BUB1: variants seen among roughly 807,000 people sequenced by gnomAD.
The protein encoded by BUB1 is BUB1 mitotic checkpoint serine/threonine kinase.
BUB1 carries 84 observed loss-of-function variants against 135.2 expected under a neutral mutation model. The observed-to-expected ratio is 0.62, with a 90% CI of 0.52 to 0.74. The LOEUF is 0.74. Among genes scored for constraint, BUB1 ranks in the 30% least tolerant of loss-of-function variants. BUB1 has a pLI of 0.00. For missense variants in BUB1, 1,162 were observed against 1,288.3 expected, an observed-to-expected ratio of 0.90 and a Z score of 1.50; for synonymous variants, 403 against 434.4, an observed-to-expected ratio of 0.93 and a Z score of 0.90.
rs1689913684 is a variant in BUB1 at position 110,655,719 on chromosome 2, TA to T, written c.1876+19del. ...ATCAAAGTTGGCAGAAGACAGACACTAAAACAGTGTAACACACACCTTTATC... is the reference window on the plus strand; with the variant it reads ...ATCAAAGTTGGCAGAAGACAGACACTAAACAGTGTAACACACACCTTTATC... On this transcript the variant is annotated intron_variant, in intron 16 of 24. Transcript: ENST00000302759. 1.3e-6 allele frequency: 2 copies of T among 1,573,254 alleles called. No individual in the cohort carries two copies. The highest frequency in any genetic ancestry group is 1.7e-5 in the Admixed American group (1 of 59,234).
chr2:110,647,655 G>T (rs1689677354), intron 19 of BUB1, among the ~76,000 whole-genome samples: 2 of 152,092 alleles, frequency 1.3e-5, no homozygotes, highest in Admixed American at 6.6e-5. Flanking sequence ...CATACTTATA[G>T]GTAATAAACT....
intron 17 of BUB1, among the ~76,000 whole-genome samples, chr2:110,651,881 G>A (rs1689796722): frequency 1.3e-5 from 2 of 152,070 alleles, no homozygotes; most frequent in South Asian, 4.2e-4. Flanking sequence ...ATGAGCCACA[G>A]GTTATACCAT....
At position 110,674,228 on chromosome 2, in the gene BUB1, G is replaced by C. The variant is rs777575221; in HGVS notation, c.87-4C>G. The C allele has an allele frequency of 1.2e-6, 2 of 1,610,434 alleles. No homozygotes were observed. Among genetic ancestry groups the C allele is most frequent in the Non-Finnish European group, 1.7e-6 (2 of 1,177,180 alleles). On this transcript the variant is annotated splice_region_variant and splice_polypyrimidine_tract_variant and intron_variant, in intron 2 of 24. Coordinates refer to ENST00000302759, the MANE Select transcript of BUB1 (RefSeq NM_004336.5). ...CTCTTCTACCCACTGTATGTATCTA[G>C]AAAAATATGGATAATGTTAATTTTC...
chr2:110,669,619 T>A, intron 5 of BUB1, 66 bp from the exon 6 acceptor site: 2 of 1,016,558 alleles, frequency 2.0e-6, no homozygotes. Context: ...AATTATCACA[T>A]AATAAATTCC....
intron 5 of BUB1, among the ~76,000 whole-genome samples, chr2:110,670,126 GTTT>G (rs377459142): frequency 8.3e-6 from 1 of 120,852 alleles, no homozygotes; most frequent in Non-Finnish European, 1.7e-5. Flanking sequence ...AATTGGATGG[GTTT>G]TTTTTTTTTT....
intron 9 of BUB1, among the ~76,000 whole-genome samples, chr2:110,664,575 C>CTTT (rs559654974): frequency 7.4e-6 from 1 of 135,820 alleles, no homozygotes; most frequent in African/African-American, 2.7e-5. Context: ...CTGCTGTTGC[C>CTTT]TTTTTTTTTT....
intron 17 of BUB1, 99 bp downstream of exon 17, chr2:110,653,334 GTAT>G: frequency 8.7e-7 from 1 of 1,154,480 alleles, no homozygotes; most frequent in South Asian, 1.4e-5. Context: ...CTAAAATTAG[GTAT>G]TCTATTACAG....
At chr2:110,645,135 G>A (rs1052330936) in intron 19 of BUB1, among the ~76,000 whole-genome samples, 1 of 152,070 alleles carries the variant, frequency 6.6e-6, no homozygotes, top group African/African-American at 2.4e-5. Flanking sequence ...CAAGACAGAT[G>A]AAAAGTAAAG....
intron 3 of BUB1, among the ~76,000 whole-genome samples, chr2:110,673,725 A>G (rs1690492595): frequency 1.3e-5 from 2 of 151,996 alleles, no homozygotes; most frequent in African/African-American, 4.8e-5. Context: ...TAGCCCCCCG[A>G]GTAGCTGGGA....
In BUB1 at chr2:110,655,868, C is replaced by G; in HGVS notation, c.1747G>C (p.Gly583Arg). 6.2e-7 allele frequency: 1 copy of G among 1,613,822 alleles called. No homozygotes were observed. The highest frequency in any genetic ancestry group is 8.5e-7 in the Non-Finnish European group (1 of 1,179,856). Residue 583 changes from glycine to arginine, a missense_variant, in exon 16 of 25, where the codon GGT (glycine) becomes CGT (arginine). Coordinates refer to ENST00000302759, the MANE Select transcript of BUB1 (RefSeq NM_004336.5). ...GCCAGGGTTTTGTTGCAGCGAATACCCCATACAGTTGAGTCATCCAAAAAC... is the reference window on the plus strand; with the variant it reads ...GCCAGGGTTTTGTTGCAGCGAATACGCCATACAGTTGAGTCATCCAAAAAC... ...EEFLDDSTVW[G>R]IRCNKTLAPS...
At chr2:110,661,556 G>C (rs374233695) in intron 10 of BUB1, 26 bp downstream of exon 10, 9 of 1,608,152 alleles carry the variant, frequency 5.6e-6, no homozygotes, top group Admixed American at 3.3e-5. Context: ...ACATCACTGT[G>C]ATCTCTAGGA....
intron 21 of BUB1, 61 bp downstream of exon 21, chr2:110,641,581 C>T: frequency 3.8e-6 from 6 of 1,575,276 alleles, no homozygotes; most frequent in Non-Finnish European, 5.2e-6. Context: ...AAAGTACGTG[C>T]AAGGTACAAG....
At chr2:110,659,862 T>C in intron 11 of BUB1, 116 bp downstream of exon 11, 6 of 656,902 alleles carry the variant, frequency 9.1e-6, no homozygotes, top group Non-Finnish European at 1.5e-5. Flanking sequence ...GAATAGGAAA[T>C]CTAACACTCA....
In BUB1 at chr2:110,637,873, T is replaced by G. The variant is rs1373460525; in HGVS notation, c.*91A>C. On this transcript the variant is annotated 3_prime_UTR_variant, in exon 25 of 25. Coordinates refer to ENST00000302759, the MANE Select transcript of BUB1 (RefSeq NM_004336.5). ...CATGGGATTTATTTTTAACAAACATTTACATAAACAATAAATGAAAAAAAA... is the reference window on the plus strand; with the variant it reads ...CATGGGATTTATTTTTAACAAACATGTACATAAACAATAAATGAAAAAAAA... 3 of 923,744 alleles carry G rather than the reference T, an allele frequency of 3.2e-6. No individual in the cohort carries two copies. The highest frequency in any genetic ancestry group is 4.5e-6 in the Non-Finnish European group (3 of 664,004). 57.2% of individuals were successfully genotyped at this position (923,744 alleles called of 1,614,324 possible).
chr2:110,666,401 T>C lies in BUB1; in HGVS notation c.819A>G (p.Arg273=), dbSNP rs1245059783. The C allele has an allele frequency of 2.1e-6, 3 of 1,442,700 alleles. No homozygotes were observed. The highest frequency in any genetic ancestry group is 9.2e-7 in the Non-Finnish European group (1 of 1,089,622). 89.4% of individuals were successfully genotyped at this position (1,442,700 alleles called of 1,614,324 possible). Residue 273 remains arginine (R), a synonymous_variant, in exon 9 of 25, where the codon AGA becomes AGG. Transcript: ENST00000302759. ...RKHEQWVNED[R]HYMKRKEANA... ...TTGCTTCTTTCCTTTTCATATAATGTCTGTCTTCATTTACTTTAGGAAAGA... is the reference window on the plus strand; with the variant it reads ...TTGCTTCTTTCCTTTTCATATAATGCCTGTCTTCATTTACTTTAGGAAAGA...
At chr2:110,660,181 G>A in intron 10 of BUB1, 145 bp from the exon 11 acceptor site, 1 of 564,248 alleles carries the variant, frequency 1.8e-6, no homozygotes, top group Non-Finnish European at 3.1e-6. Flanking sequence ...AGACCAGCCT[G>A]GCCAATATGG....
intron 6 of BUB1, among the ~76,000 whole-genome samples, chr2:110,668,098 C>T (rs1482092938): frequency 6.6e-6 from 1 of 152,076 alleles, no homozygotes; most frequent in Non-Finnish European, 1.5e-5. Flanking sequence ...TAATAAAGTC[C>T]TACTCAGCAG....
chr2:110,664,717 A>T (rs754859691), intron 9 of BUB1, among the ~76,000 whole-genome samples: 12 of 152,106 alleles, frequency 7.9e-5, no homozygotes, highest in Non-Finnish European at 1.6e-4. Flanking sequence ...AATTTCTTGC[A>T]ACTATCCAGG....
At chr2:110,662,992 C>T (rs1690139291) in intron 9 of BUB1, among the ~76,000 whole-genome samples, 1 of 152,148 alleles carries the variant, frequency 6.6e-6, no homozygotes, top group South Asian at 2.1e-4. Flanking sequence ...ATATTCTGAA[C>T]AATACCAGAG....
Sources: allele counts gnomAD v4.1 joint callset (sites outside exome capture counted in the v4.1 genomes callset), GRCh38; gene constraint gnomAD v4.1.1; transcripts MANE v1.5; gene names NCBI Gene and HGNC (gene_info 2026-07-23, HGNC 2026-07-21).